The following EPHA5 variants were observed in gnomAD, a reference collection of about 807,000 sequenced individuals.
EPHA5 encodes the protein ephrin type-A receptor 5.
A neutral mutation model predicts 105.0 loss-of-function variants in EPHA5; 60 were observed. The observed-to-expected ratio is 0.57, with a 90% CI of 0.46 to 0.71. The LOEUF is 0.71. Among genes scored for constraint, EPHA5 ranks in the 30% least tolerant of loss-of-function variants. EPHA5 has a pLI of 0.00. For synonymous variants in EPHA5, 513 were observed against 449.1 expected (o/e 1.14, Z -1.80); for missense variants, 1,218 against 1,274.7 (o/e 0.96, Z 0.68).
At chr4:65,434,798 C>T (rs1290513210) in intron 5 of EPHA5, among the ~76,000 whole-genome samples, 1 of 152,112 alleles carries the variant, frequency 6.6e-6, no homozygotes, top group Non-Finnish European at 1.5e-5. Flanking sequence ...CATCTCACTA[C>T]TAAATTGTTA....
intron 2 of EPHA5, among the ~76,000 whole-genome samples, chr4:65,614,980 T>C (rs892681790): frequency 6.6e-6 from 1 of 151,854 alleles, no homozygotes; most frequent in African/African-American, 2.4e-5. Context: ...AATTGTTATA[T>C]GGAGTTTACA....
intron 3 of EPHA5, among the ~76,000 whole-genome samples, chr4:65,534,782 A>G (rs1195907238): frequency 6.6e-6 from 1 of 152,238 alleles, no homozygotes; most frequent in African/African-American, 2.4e-5. Flanking sequence ...AGATTATTCT[A>G]GATGAGAGAA....
At chr4:65,380,590 G>A (rs1719457893) in intron 8 of EPHA5, among the ~76,000 whole-genome samples, 1 of 151,608 alleles carries the variant, frequency 6.6e-6, no homozygotes, top group African/African-American at 2.4e-5. Context: ...ACACTAAGAT[G>A]TCAACAGGTA....
At chr4:65,457,663 G>T (rs1020033875) in intron 5 of EPHA5, among the ~76,000 whole-genome samples, 1 of 151,280 alleles carries the variant, frequency 6.6e-6, no homozygotes, top group Non-Finnish European at 1.5e-5. Context: ...TTACTTTTTG[G>T]TCAATGAAGA....
chr4:65,365,271 C>A (rs1188149280), intron 10 of EPHA5, 69 bp from the exon 11 acceptor site: 2 of 1,242,142 alleles, frequency 1.6e-6, no homozygotes, highest in Non-Finnish European at 2.3e-6. Context: ...CTTGTATGCC[C>A]TCTTAGACTA....
At chr4:65,589,073 T>C (rs1742390154) in intron 3 of EPHA5, among the ~76,000 whole-genome samples, 1 of 152,184 alleles carries the variant, frequency 6.6e-6, no homozygotes, top group Non-Finnish European at 1.5e-5. Flanking sequence ...AGTTTTGAAA[T>C]CATAATCAAT....
chr4:65,433,377 G>C (rs910647485), intron 5 of EPHA5, among the ~76,000 whole-genome samples: 5 of 152,082 alleles, frequency 3.3e-5, no homozygotes, highest in Non-Finnish European at 5.9e-5. Flanking sequence ...AAAGTTGTAA[G>C]ACCACACCAA....
chr4:65,551,006 A>C (rs1737842492), intron 3 of EPHA5, among the ~76,000 whole-genome samples: 1 of 151,984 alleles, frequency 6.6e-6, no homozygotes, highest in Admixed American at 6.6e-5. Context: ...TGCATTATAT[A>C]TATATATGCA....
intron 5 of EPHA5, among the ~76,000 whole-genome samples, chr4:65,441,941 G>A (rs977917772): frequency 2.6e-5 from 4 of 152,028 alleles, no homozygotes; most frequent in African/African-American, 9.7e-5. Flanking sequence ...TTCACCATGT[G>A]CCAGTACTAT....
chr4:65,491,279 G>T (rs547996531), intron 4 of EPHA5, among the ~76,000 whole-genome samples: 1 of 150,750 alleles, frequency 6.6e-6, no homozygotes, highest in Non-Finnish European at 1.5e-5. Context: ...TATCAAAAAA[G>T]CATTAGAATT....
chr4:65,662,223 C>G (rs905811560), intron 1 of EPHA5, among the ~76,000 whole-genome samples: 5 of 152,096 alleles, frequency 3.3e-5, no homozygotes, highest in African/African-American at 1.2e-4. Context: ...AGTAAAAGAA[C>G]AGACTGTATT....
intron 2 of EPHA5, among the ~76,000 whole-genome samples, chr4:65,612,405 T>A (rs1578578289): frequency 6.6e-6 from 1 of 152,308 alleles, no homozygotes; most frequent in East Asian, 1.9e-4. Context: ...TAGCTACCAC[T>A]TATAAGTGGG....
chr4:65,614,048 T>C (rs1320667604), intron 2 of EPHA5, among the ~76,000 whole-genome samples: 1 of 151,952 alleles, frequency 6.6e-6, no homozygotes, highest in Non-Finnish European at 1.5e-5. Flanking sequence ...AAATATGATA[T>C]ATTTACAGAT....
At chr4:65,349,971 G>A (rs1164419798) in intron 13 of EPHA5, among the ~76,000 whole-genome samples, 2 of 151,878 alleles carry the variant, frequency 1.3e-5, no homozygotes, top group Non-Finnish European at 2.9e-5. Flanking sequence ...TTTTCCACAG[G>A]CTGCCACTAT....
At chr4:65,495,302 G>A in intron 4 of EPHA5, 86 bp downstream of exon 4, 1 of 1,353,566 alleles carries the variant, frequency 7.4e-7, no homozygotes, top group Admixed American at 2.2e-5. Flanking sequence ...AGGGGGAAAT[G>A]TTACTAGACT....
chr4:65,379,197 C>A (rs1285148867), intron 8 of EPHA5, among the ~76,000 whole-genome samples: 3 of 151,576 alleles, frequency 2.0e-5, no homozygotes, highest in African/African-American at 4.8e-5. Flanking sequence ...AACACATAAA[C>A]AATTCTAAAA....
At chr4:65,596,973 G>A (rs1743256139) in intron 3 of EPHA5, among the ~76,000 whole-genome samples, 1 of 152,074 alleles carries the variant, frequency 6.6e-6, no homozygotes, top group Non-Finnish European at 1.5e-5. Flanking sequence ...CCAGAAGTAC[G>A]AATGATCGAC....
At position 65,573,425 on chromosome 4, in the gene EPHA5, A is replaced by AT. The variant is rs1280027709; in HGVS notation, c.910+28215_910+28216insA. ...GACTCCGTCTCAAAAAAAAAAAAAA[A>AT]AAAAAAAAAAGAAGCTCTTTCCCAT... is the stretch of plus-strand genomic sequence containing the variant. On this transcript the variant is annotated intron_variant, in intron 3 of 16. Transcript: ENST00000613740. 87 of 775,486 alleles carry AT rather than the reference A, an allele frequency of 1.1e-4. 1 individual carries two copies. The Middle Eastern group carries it at 1.7e-3, about 15-fold the overall frequency. The allele number at this position is 775,486 out of a possible 1,614,324, so 48.0% of individuals were successfully genotyped here.
chr4:65,397,861 C>G (rs533981534), intron 8 of EPHA5, among the ~76,000 whole-genome samples: 1 of 152,136 alleles, frequency 6.6e-6, no homozygotes, highest in Non-Finnish European at 1.5e-5. Flanking sequence ...TAGTCATTGT[C>G]CCTATCCTAA....
Sources: allele counts gnomAD v4.1 joint callset (sites outside exome capture counted in the v4.1 genomes callset), GRCh38; gene constraint gnomAD v4.1.1; transcripts MANE v1.5; gene names NCBI Gene and HGNC (gene_info 2026-07-23, HGNC 2026-07-21).